Variants in ECSIT observed in about 807,000 individuals in gnomAD.
ECSIT encodes evolutionarily conserved signaling intermediate in Toll pathway, mitochondrial.
ECSIT carries 29 observed loss-of-function variants against 36.8 expected under a neutral mutation model. That is an observed-to-expected ratio of 0.79 (90% CI 0.59 to 1.08). ECSIT has a LOEUF of 1.08. ECSIT is among the 50% of genes least tolerant of loss of function. The pLI, the probability that ECSIT is intolerant of heterozygous loss-of-function variation, is 0.00. For missense variants in ECSIT, 542 were observed against 581.0 expected, an observed-to-expected ratio of 0.93 and a Z score of 0.69; for synonymous variants, 231 against 234.8, an observed-to-expected ratio of 0.98 and a Z score of 0.15.
At position 11,505,935 on chromosome 19, in the gene ECSIT, C is replaced by G; in HGVS notation, c.*249G>C. 6 of 891,916 alleles carry G rather than the reference C, an allele frequency of 6.7e-6. No homozygotes were observed. The South Asian group carries it at 7.5e-5, about 11-fold the overall frequency. 55.3% of individuals were successfully genotyped at this position (891,916 alleles called of 1,614,324 possible). ...CAAGAATGGAAACTGCGCATGCGCA[C>G]AACCAACAGCGCTCCCGCCCCTTTT... On this transcript the variant is annotated 3_prime_UTR_variant, in exon 8 of 8. Coordinates refer to ENST00000270517, the MANE Select transcript of ECSIT (RefSeq NM_016581.5).
intron 4 of ECSIT, among the ~76,000 whole-genome samples, chr19:11,511,123 G>T (rs1214559002): frequency 6.6e-6 from 1 of 152,076 alleles, no homozygotes; most frequent in Non-Finnish European, 1.5e-5. Context: ...AGCACCCCGG[G>T]CTTCTCCATC....
Position 11,507,700 on chromosome 19 carries a change from A to C in ECSIT, c.945+2T>G, listed in dbSNP as rs1599575223. ...AACACATGCTTTGCTTTAAGCCCTC[A>C]CCCTCTCCTCCGGGGGCAGCAAGTC... On this transcript the variant is annotated splice_donor_variant, in intron 6 of 7. Coordinates refer to ENST00000270517, the MANE Select transcript of ECSIT (RefSeq NM_016581.5). LOFTEE classifies it high-confidence loss of function. 6.2e-7 allele frequency: 1 copy of C among 1,613,470 alleles called. No individual in the cohort carries two copies. The highest frequency in any genetic ancestry group is 8.5e-7 in the Non-Finnish European group (1 of 1,179,888).
At chr19:11,522,319 C>T in intron 1 of ECSIT, 1 of 682,750 alleles carries the variant, frequency 1.5e-6, no homozygotes, top group South Asian at 1.5e-5. Flanking sequence ...CGCCCGGTAC[C>T]CCACCTGGAC....
intron 7 of ECSIT, 45 bp downstream of exon 7, chr19:11,507,411 GA>G (rs758484299): frequency 6.6e-7 from 1 of 1,505,744 alleles, no homozygotes; most frequent in Non-Finnish European, 9.2e-7. Context: ...GGAGGGCTGG[GA>G]TTACGAGCAC....
chr19:11,513,685 A>T, intron 3 of ECSIT, 119 bp downstream of exon 3: 1 of 1,223,310 alleles, frequency 8.2e-7, no homozygotes, highest in Non-Finnish European at 1.2e-6. Context: ...TCGGAGAGGG[A>T]GAAGAGCGAG....
chr19:11,522,340 C>T, intron 1 of ECSIT: 1 of 750,898 alleles, frequency 1.3e-6, no homozygotes, highest in South Asian at 1.4e-5. Context: ...CCATTCCATC[C>T]AGATCATGAA....
At chr19:11,516,166 C>T (rs537166713) in intron 2 of ECSIT, 151 of 152,312 alleles carry the variant, frequency 9.9e-4, no homozygotes, top group African/African-American at 3.5e-3. Flanking sequence ...GTTCACACTT[C>T]CTTAGGCAAC....
intron 2 of ECSIT, among the ~76,000 whole-genome samples, chr19:11,515,571 C>T (rs993942639): frequency 6.6e-6 from 1 of 152,096 alleles, no homozygotes; most frequent in East Asian, 1.9e-4. Flanking sequence ...ATTCTCCTGC[C>T]TCAGCCTCCC....
chr19:11,510,890 C>G (rs1214317963), intron 4 of ECSIT, among the ~76,000 whole-genome samples: 5 of 152,024 alleles, frequency 3.3e-5, no homozygotes, highest in Non-Finnish European at 7.4e-5. Context: ...ATTGCAGATT[C>G]TTCCAGAAAC....
At chr19:11,517,324 G>C (rs1196454075) in intron 2 of ECSIT, among the ~76,000 whole-genome samples, 3 of 152,030 alleles carry the variant, frequency 2.0e-5, no homozygotes, top group Non-Finnish European at 2.9e-5. Flanking sequence ...TTTCAGGTTG[G>C]GCGCAGTGGC....
At position 11,513,267 on chromosome 19, in the gene ECSIT, T is replaced by G; in HGVS notation, c.527A>C (p.Asn176Thr). The G allele has an allele frequency of 6.2e-7, 1 of 1,613,964 alleles. No homozygotes were observed. The highest frequency in any genetic ancestry group is 2.2e-5 in the East Asian group (1 of 44,864). Residue 176 changes from asparagine (N) to threonine (T), a missense_variant, in exon 4 of 8, where the codon AAC becomes ACC. Transcript: ENST00000270517. ...AATCAGCAGGAACTCCGTCTCCTTG[T>G]TGGGCATCACACCTGTGCTGGGCAG... is the stretch of plus-strand genomic sequence containing the variant. ...EQMENHGVMP[N>T]KETEFLLIQI...
Position 11,514,143 on chromosome 19 carries a change from G to A in ECSIT, c.175C>T (p.Pro59Ser), listed in dbSNP as rs1488955162. ...SSEQSLVPSPPEPRQRPTKAL... is the reference protein window; with the variant it reads ...SSEQSLVPSPSEPRQRPTKAL... ...TTGGTGGGCCTCTGCCGGGGTTCCG[G>A]TGGGCTGGGAACCAGGGACTGTTCA... The change falls in exon 3 of 8, where the codon CCG (proline) becomes TCG (serine). Residue 59 changes from proline to serine, a missense_variant. Coordinates refer to ENST00000270517, the MANE Select transcript of ECSIT (RefSeq NM_016581.5). The A allele has an allele frequency of 6.2e-7, 1 of 1,613,898 alleles. No homozygotes were observed. Among genetic ancestry groups the A allele is most frequent in the South Asian group, 1.1e-5 (1 of 91,070 alleles).
chr19:11,523,601 G>A, intron 1 of ECSIT: 1 of 948,816 alleles, frequency 1.1e-6, no homozygotes, highest in Non-Finnish European at 1.7e-6. Flanking sequence ...TGATCCAACT[G>A]TGATAAGCCT....
chr19:11,529,091 G>A lies in ECSIT; in HGVS notation c.-53C>T, dbSNP rs1972274393. ...TCACGCGGCCAGCCGCGGACTCCAG[G>A]CCAGCTCTGTCTTGTTGCTGGGCGC... On this transcript the variant is annotated 5_prime_UTR_variant, in exon 1 of 8. Coordinates refer to ENST00000270517, the MANE Select transcript of ECSIT (RefSeq NM_016581.5). 6.6e-6 allele frequency: 1 copy of A among 152,394 alleles called. No individual in the cohort carries two copies. Among genetic ancestry groups the A allele is most frequent in the Non-Finnish European group, 1.5e-5 (1 of 68,138 alleles). The allele number at this position is 152,394 out of a possible 1,614,324, so 9.4% of individuals were successfully genotyped here. A position where few individuals can be genotyped will look rare whatever the true frequency, so the allele number is the denominator to read the frequency against.
intron 2 of ECSIT, among the ~76,000 whole-genome samples, chr19:11,514,839 A>ATTT (rs35947860): frequency 3.7e-5 from 5 of 136,254 alleles, no homozygotes; most frequent in Admixed American, 2.2e-4. Flanking sequence ...TTTGCTTGTA[A>ATTT]TTTTTTTTTT....
At chr19:11,517,412 A>G (rs1372383610) in intron 2 of ECSIT, among the ~76,000 whole-genome samples, 2 of 151,990 alleles carry the variant, frequency 1.3e-5, no homozygotes, top group South Asian at 2.1e-4. Flanking sequence ...CCTGGCCAAC[A>G]TGGTGAAACC....
intron 2 of ECSIT, among the ~76,000 whole-genome samples, chr19:11,518,687 C>T (rs1972045063): frequency 6.6e-6 from 1 of 151,942 alleles, no homozygotes; most frequent in Non-Finnish European, 1.5e-5. Context: ...CACTTGAGCC[C>T]AGAGTTCAAG....
intron 4 of ECSIT, among the ~76,000 whole-genome samples, chr19:11,512,437 C>A (rs1971889541): frequency 6.6e-6 from 1 of 152,188 alleles, no homozygotes; most frequent in Non-Finnish European, 1.5e-5. Flanking sequence ...AGAGCAAACC[C>A]TCACCAGACC....
Position 11,506,166 on chromosome 19 carries a change from C to T in ECSIT, c.*18G>A, listed in dbSNP as rs1225002084. On this transcript the variant is annotated 3_prime_UTR_variant, in exon 8 of 8. Coordinates refer to ENST00000270517, the MANE Select transcript of ECSIT (RefSeq NM_016581.5). ...CCGCCTCCTCGGGCCACAGCCCGTG[C>T]CCTCGCGCCGGCTCAGACTAGCTCT... 2 of 1,601,558 alleles carry T rather than the reference C, an allele frequency of 1.2e-6. No individual in the cohort carries two copies. Among genetic ancestry groups the T allele is most frequent in the African/African-American group, 2.7e-5 (2 of 74,946 alleles).
Sources: gnomAD v4.1 joint callset for allele counts (sites outside exome capture counted in the v4.1 genomes callset) on GRCh38, gnomAD v4.1.1 for gene constraint, MANE v1.5 for transcripts, NCBI Gene and HGNC (gene_info 2026-07-23, HGNC 2026-07-21) for gene names.